Variants in KDM3B observed in about 807,000 individuals in gnomAD.
The protein encoded by KDM3B is lysine-specific demethylase 3B.
A neutral mutation model predicts 170.0 loss-of-function variants in KDM3B; 10 were observed. The observed-to-expected ratio is 0.06, with a 90% CI of 0.04 to 0.10. The LOEUF (loss-of-function observed/expected upper bound fraction) is 0.10, where lower values mean the gene tolerates loss of function less well. Among genes scored for constraint, KDM3B ranks in the 10% least tolerant of loss-of-function variants. The pLI is 1.00. For missense variants in KDM3B, 1,394 were observed against 2,195.2 expected (o/e 0.64, Z 7.29); for synonymous variants, 831 against 834.8 (o/e 1.00, Z 0.08).
At chr5:138,395,070 A>T (rs1762515195) in intron 9 of KDM3B, among the ~76,000 whole-genome samples, 1 of 152,204 alleles carries the variant, frequency 6.6e-6, no homozygotes. Context: ...GAGATTCTTT[A>T]GGGAAAAGCA....
intron 11 of KDM3B, among the ~76,000 whole-genome samples, chr5:138,400,764 A>T (rs1471332026): frequency 6.6e-6 from 1 of 151,982 alleles, no homozygotes; most frequent in Admixed American, 6.6e-5. Flanking sequence ...AATTAAAGTA[A>T]ATCTACAAGG....
At chr5:138,389,255 C>G (rs1165511509) in intron 7 of KDM3B, among the ~76,000 whole-genome samples, 1 of 151,830 alleles carries the variant, frequency 6.6e-6, no homozygotes, top group Non-Finnish European at 1.5e-5. Flanking sequence ...TCTAAAATAC[C>G]CTGAAGTAGT....
rs750663093 is a variant in KDM3B at position 138,391,072 on chromosome 5, G to A, written c.1440G>A (p.Ser480=). 6 of 1,609,474 alleles carry A rather than the reference G, an allele frequency of 3.7e-6. No individual in the cohort carries two copies. Among genetic ancestry groups the A allele is most frequent in the Non-Finnish European group, 5.1e-6 (6 of 1,177,744 alleles). ...TTGGAGCACCTCTCCCTAGTTCATC[G>A]CAACCTTTGACTTTTGGAAGTGGAA... ...SGFGAPLPSS[S]QPLTFGSGRS... is the part of the protein sequence containing the mutation. Residue 480 remains serine (S), a synonymous_variant, in exon 8 of 24, where the codon TCG becomes TCA. Coordinates refer to ENST00000314358, the MANE Select transcript of KDM3B (RefSeq NM_016604.4). The surrounding 1 kb of genome is among the most constrained non-coding windows in gnomAD (Gnocchi z 5.0).
intron 11 of KDM3B, among the ~76,000 whole-genome samples, chr5:138,410,619 G>T (rs547123830): frequency 6.6e-6 from 1 of 152,252 alleles, no homozygotes; most frequent in East Asian, 1.9e-4. Flanking sequence ...CTGGGCCCGG[G>T]GGACCACTAC....
chr5:138,391,947 A>G lies in KDM3B; in HGVS notation c.2315A>G (p.His772Arg). 6.2e-7 allele frequency: 1 copy of G among 1,612,518 alleles called. No homozygotes were observed. Among genetic ancestry groups the G allele is most frequent in the South Asian group, 1.1e-5 (1 of 91,054 alleles). ...LKTFSNVFGR[H>R]SGGFLSSPAD... ...ACCTTTAGTAACGTCTTTGGCAGGC[A>G]CTCAGGCGGCTTTCTGTCCTCCCCG... Residue 772 changes from histidine to arginine, a missense_variant, in exon 8 of 24, where the codon CAC (histidine) becomes CGC (arginine). By Grantham distance (29) the His-to-Arg change is conservative. Coordinates refer to ENST00000314358, the MANE Select transcript of KDM3B (RefSeq NM_016604.4). This position sits in a 1 kb window ranked among gnomAD's most constrained non-coding sequence, Gnocchi z 5.0.
At chr5:138,422,949 C>CT (rs36037502) in intron 15 of KDM3B, among the ~76,000 whole-genome samples, 61 of 150,006 alleles carry the variant, frequency 4.1e-4, no homozygotes, top group Middle Eastern at 3.4e-3. Flanking sequence ...GGATAAGTAA[C>CT]TTTTTTTTTT....
At position 138,429,845 on chromosome 5, in the gene KDM3B, C is replaced by T. The variant is rs377741548; in HGVS notation, c.4773C>T (p.Asp1591=). 1.1e-5 allele frequency: 17 copies of T among 1,613,948 alleles called. No homozygotes were observed. The highest frequency in any genetic ancestry group is 2.2e-5 in the South Asian group (2 of 91,044). ...AHDEEVLKTI[D]EGDADEVTKQ... ...TTTCAGAGGTACTCAAGACAATTGA[C>T]GAGGGAGATGCCGATGAGGTGACGA... The change falls in exon 21 of 24, where the codon GAC becomes GAT. Residue 1591 remains aspartate (D), a synonymous_variant. Transcript: ENST00000314358.
In KDM3B at chr5:138,415,183, A is replaced by G; in HGVS notation, c.3251A>G (p.Lys1084Arg). The change falls in exon 12 of 24, where the codon AAG becomes AGG. Residue 1084 changes from lysine (K) to arginine (R), a missense_variant. Around this residue, in one of 19 missense-constraint regions of KDM3B, gnomAD observed 44 missense variants for 71.1 expected, o/e 0.62. Transcript: ENST00000314358. Reference protein sequence around the residue: ...EEVFSWLKCAKGQSHEPENLM... With the variant: ...EEVFSWLKCARGQSHEPENLM... ...GTTTTCTCCTGGTTGAAGTGTGCAA[A>G]GGGACAGTCCCACGAACCAGAGAAT... 6.2e-7 allele frequency: 1 copy of G among 1,611,232 alleles called. No individual in the cohort carries two copies. Among genetic ancestry groups the G allele is most frequent in the Non-Finnish European group, 8.5e-7 (1 of 1,177,884 alleles).
intron 11 of KDM3B, among the ~76,000 whole-genome samples, chr5:138,411,579 A>G (rs1762970929): frequency 6.6e-6 from 1 of 152,180 alleles, no homozygotes; most frequent in Non-Finnish European, 1.5e-5. Context: ...GCCTAAACAT[A>G]AAAGCTAAAA....
At chr5:138,429,253 T>C (rs1292140458) in intron 20 of KDM3B, among the ~76,000 whole-genome samples, 1 of 152,182 alleles carries the variant, frequency 6.6e-6, no homozygotes, top group African/African-American at 2.4e-5. Flanking sequence ...GGTGTCACCA[T>C]GTTGGCCAGG....
At chr5:138,413,754 C>T (rs753795975) in intron 11 of KDM3B, among the ~76,000 whole-genome samples, 9 of 152,050 alleles carry the variant, frequency 5.9e-5, no homozygotes, top group Non-Finnish European at 7.4e-5. Flanking sequence ...CTACCTCAGC[C>T]ACCCAAGTAA....
chr5:138,416,411 G>A (rs1763104207), intron 12 of KDM3B, among the ~76,000 whole-genome samples: 1 of 151,728 alleles, frequency 6.6e-6, no homozygotes, highest in South Asian at 2.1e-4. Context: ...CCAACATGGT[G>A]AAACCCCACC....
rs552965661 is a variant in KDM3B, at chr5:138,353,028, G to A, written c.192+41G>A. The A allele has an allele frequency of 2.8e-4, 344 of 1,207,478 alleles. 6 individuals are homozygous for A. The South Asian group carries it at 6.1e-3, about 22-fold the overall frequency. 74.8% of individuals were successfully genotyped at this position (1,207,478 alleles called of 1,614,324 possible). A position where few individuals can be genotyped will look rare whatever the true frequency, so the allele number is the denominator to read the frequency against. The stretch of plus-strand genomic sequence containing the variant: ...GTCGGGCACTCGAGGCCGGGGCTGC[G>A]GGGCCTGCGGGCGGCCTCCCCGGGG... On this transcript the variant is annotated intron_variant, in intron 1 of 23. Transcript: ENST00000314358.
chr5:138,419,378 T>G, intron 14 of KDM3B, 146 bp downstream of exon 14: 2 of 1,023,914 alleles, frequency 2.0e-6, no homozygotes, highest in Non-Finnish European at 2.8e-6. Context: ...TGCCGGGGCC[T>G]GGCGTGGTGG....
At position 138,352,932 on chromosome 5, in the gene KDM3B, C is replaced by T. The variant is rs1280191220; in HGVS notation, c.137C>T (p.Ala46Val). 6 of 1,315,748 alleles carry T rather than the reference C, an allele frequency of 4.6e-6. No homozygotes were observed. In the East Asian group the frequency reaches 1.3e-4, roughly 28 times the overall value. The allele number at this position is 1,315,748 out of a possible 1,614,324, so 81.5% of individuals were successfully genotyped here. The change falls in exon 1 of 24, where the codon GCC (alanine) becomes GTC (valine). Residue 46 changes from alanine (A) to valine (V), a missense_variant. Around this residue, in one of 19 missense-constraint regions of KDM3B, gnomAD observed 99 missense variants for 97.5 expected, o/e 1.02. Coordinates refer to ENST00000314358, the MANE Select transcript of KDM3B (RefSeq NM_016604.4). ...GDPGPALRTRAWRAGTVRAMS... is the reference protein window; with the variant it reads ...GDPGPALRTRVWRAGTVRAMS... ...CCGGGGCCTGCGCTGCGCACTCGAG[C>T]CTGGCGGGCCGGCACGGTGCGGGCC...
At chr5:138,425,346 G>A in intron 16 of KDM3B, 65 bp from the exon 17 acceptor site, 2 of 1,509,026 alleles carry the variant, frequency 1.3e-6, no homozygotes, top group African/African-American at 1.4e-5. Context: ...CTCCTATTCT[G>A]TCTCAGCCCT....
chr5:138,392,617 A>G (rs962806765), intron 8 of KDM3B, among the ~76,000 whole-genome samples: 1 of 152,166 alleles, frequency 6.6e-6, no homozygotes, highest in Non-Finnish European at 1.5e-5. Flanking sequence ...GTTACTGGGA[A>G]CTGGTATCCA....
intron 20 of KDM3B, among the ~76,000 whole-genome samples, chr5:138,429,296 C>T (rs1763474207): frequency 6.6e-6 from 1 of 152,056 alleles, no homozygotes; most frequent in African/African-American, 2.4e-5. Flanking sequence ...AGGTGATCCG[C>T]CCACCTCAGC....
intron 1 of KDM3B, among the ~76,000 whole-genome samples, chr5:138,370,805 AGTTT>A (rs900943997): frequency 6.7e-6 from 1 of 149,856 alleles, no homozygotes; most frequent in African/African-American, 2.5e-5. Context: ...GTTTCATGTG[AGTTT>A]GTTTTTTTTT....
Sources: gnomAD v4.1 joint callset for allele counts (sites outside exome capture counted in the v4.1 genomes callset) on GRCh38, gnomAD v4.1.1 for gene constraint, gnomAD v4.1.1 regional missense constraint, Gnocchi (gnomAD v3.1) non-coding constraint, MANE v1.5 for transcripts, NCBI Gene and HGNC (gene_info 2026-07-23, HGNC 2026-07-21) for gene names.